Variants in NKTR observed in about 807,000 individuals in gnomAD.
NKTR encodes NK-tumor recognition protein.
Under a neutral mutation model 156.3 loss-of-function variants are expected in NKTR, and 67 were observed. The ratio of observed to expected loss-of-function variants is 0.43; its 90% CI spans 0.35 to 0.53. The LOEUF is 0.53. Among genes scored for constraint, NKTR ranks in the 20% least tolerant of loss-of-function variants. The pLI, the probability that NKTR is intolerant of heterozygous loss-of-function variation, is 0.01. For synonymous variants in NKTR, 640 were observed against 596.6 expected (o/e 1.07, Z -1.06); for missense variants, 1,604 against 1,730.9 (o/e 0.93, Z 1.30).
intron 2 of NKTR, among the ~76,000 whole-genome samples, chr3:42,604,980 A>G (rs1328929333): frequency 6.6e-6 from 1 of 151,944 alleles, no homozygotes; most frequent in Non-Finnish European, 1.5e-5. Flanking sequence ...ATGAGCCATC[A>G]TGCCCGGCCG....
chr3:42,616,308 T>G (rs1175436116), intron 2 of NKTR, among the ~76,000 whole-genome samples: 1 of 152,224 alleles, frequency 6.6e-6, no homozygotes, highest in Non-Finnish European at 1.5e-5. Flanking sequence ...TGAAGAGTAA[T>G]TAATTGCAAA....
In NKTR at chr3:42,637,072, GAGA is replaced by G; in HGVS notation, c.1371_1373del (p.Arg458del). ...GCAGAAGACACAAACAAACAAAGAA[GAGA>G]AGGATTCTTATACCGTCTGACATAG... is the stretch of plus-strand genomic sequence containing the variant. On this transcript the variant is annotated inframe_deletion, in exon 13 of 17. Coordinates refer to ENST00000232978, the MANE Select transcript of NKTR (RefSeq NM_005385.4). The G allele has an allele frequency of 6.2e-7, 1 of 1,605,064 alleles. No individual in the cohort carries two copies. Among genetic ancestry groups the G allele is most frequent in the Non-Finnish European group, 8.5e-7 (1 of 1,177,784 alleles).
chr3:42,600,854 C>T (rs543954907), intron 1 of NKTR, 76 bp downstream of exon 1: 8 of 505,050 alleles, frequency 1.6e-5, no homozygotes, highest in Non-Finnish European at 2.3e-5. Context: ...CTCGTCTTGG[C>T]CTCCTGCGCT....
intron 2 of NKTR, among the ~76,000 whole-genome samples, chr3:42,614,358 A>G (rs1213332780): frequency 4.0e-5 from 6 of 151,798 alleles, no homozygotes; most frequent in African/African-American, 7.3e-5. Context: ...TTTATCTTCA[A>G]TATGTTTTGT....
At chr3:42,627,519 G>C (rs1306990866) in intron 6 of NKTR, 1 of 985,130 alleles carries the variant, frequency 1.0e-6, no homozygotes, top group Non-Finnish European at 1.2e-6. Flanking sequence ...AGTCATTTCT[G>C]TATAAGGGCA....
intron 12 of NKTR, 163 bp downstream of exon 12, chr3:42,635,529 G>A (rs959287721): frequency 4.0e-6 from 2 of 500,094 alleles, no homozygotes; most frequent in Non-Finnish European, 7.0e-6. Context: ...AAGTAGTACT[G>A]TTAACTAGTT....
At chr3:42,606,943 T>G (rs571235975) in intron 2 of NKTR, among the ~76,000 whole-genome samples, 1 of 152,212 alleles carries the variant, frequency 6.6e-6, no homozygotes, top group South Asian at 2.1e-4. Context: ...ATGATCATAG[T>G]GTGGTGTAGC....
chr3:42,617,975 A>G (rs1438131314), intron 3 of NKTR, among the ~76,000 whole-genome samples: 3 of 152,156 alleles, frequency 2.0e-5, no homozygotes, highest in Non-Finnish European at 2.9e-5. Context: ...ACTTTGAAAA[A>G]ATTTAGTATT....
chr3:42,601,224 T>G (rs1334261926), intron 2 of NKTR, 160 bp downstream of exon 2: 13 of 550,752 alleles, frequency 2.4e-5, no homozygotes, highest in African/African-American at 1.8e-4. Context: ...GAGAGGAAGG[T>G]GGCCTGGGCA....
chr3:42,614,761 A>G (rs567558178), intron 2 of NKTR, among the ~76,000 whole-genome samples: 35 of 152,286 alleles, frequency 2.3e-4, no homozygotes, highest in African/African-American at 7.9e-4. Flanking sequence ...TAGCATTTTA[A>G]CTTAAGAAAG....
At chr3:42,617,913 AAAT>A (rs1431927834) in intron 3 of NKTR, among the ~76,000 whole-genome samples, 33 of 152,326 alleles carry the variant, frequency 2.2e-4, no homozygotes, top group African/African-American at 7.9e-4. Context: ...TTAATTTATA[AAAT>A]AATAGCACAC....
intron 10 of NKTR, 59 bp downstream of exon 10, chr3:42,633,794 T>C: frequency 1.3e-6 from 2 of 1,586,512 alleles, no homozygotes; most frequent in Non-Finnish European, 1.7e-6. Context: ...TTCCGTCAGC[T>C]CATTGCATTC....
intron 6 of NKTR, among the ~76,000 whole-genome samples, chr3:42,621,937 G>GT (rs1559564715): frequency 6.6e-6 from 1 of 151,948 alleles, no homozygotes; most frequent in Non-Finnish European, 1.5e-5. Context: ...TTGCATGGTT[G>GT]TTTTTTCCTC....
Position 42,643,874 on chromosome 3 carries a change from T to C in NKTR, c.4200-28T>C, listed in dbSNP as rs115455246. 1,285 of 1,532,802 alleles carry C rather than the reference T, an allele frequency of 8.4e-4. 8 individuals are homozygous for C. In the African/African-American group the frequency reaches 0.016, roughly 19 times the overall value. 95.0% of individuals were successfully genotyped at this position (1,532,802 alleles called of 1,614,324 possible). A position where few individuals can be genotyped will look rare whatever the true frequency, so the allele number is the denominator to read the frequency against. The stretch of plus-strand genomic sequence containing the variant: ...CATATGAGTATCTGAGTGGGAAAAT[T>C]TAGTGTTTGTTGTTGCCGTTAAAGC... On this transcript the variant is annotated intron_variant, in intron 15 of 16. Coordinates refer to ENST00000232978, the MANE Select transcript of NKTR (RefSeq NM_005385.4).
chr3:42,636,418 G>A (rs532932050), intron 12 of NKTR, among the ~76,000 whole-genome samples: 20 of 152,192 alleles, frequency 1.3e-4, no homozygotes, highest in African/African-American at 4.6e-4. Context: ...TGTCTGAGGT[G>A]GAGAAAAAAC....
intron 2 of NKTR, among the ~76,000 whole-genome samples, chr3:42,608,750 A>T (rs759886046): frequency 1.3e-5 from 2 of 152,184 alleles, no homozygotes; most frequent in Non-Finnish European, 2.9e-5. Context: ...TCCTGAAGCT[A>T]TCTGGGGGTC....
intron 16 of NKTR, among the ~76,000 whole-genome samples, chr3:42,645,217 T>C (rs1450382549): frequency 6.6e-6 from 1 of 152,050 alleles, no homozygotes; most frequent in East Asian, 1.9e-4. Context: ...TATTCAAATA[T>C]TGATACTCAT....
intron 11 of NKTR, chr3:42,634,984 CT>C (rs1212334231): frequency 9.0e-6 from 4 of 445,026 alleles, no homozygotes; most frequent in Non-Finnish European, 1.6e-5. Context: ...ACAGGTGAAT[CT>C]CAGCCTTGCC....
chr3:42,617,286 T>C (rs546952739), intron 2 of NKTR, among the ~76,000 whole-genome samples: 9 of 152,304 alleles, frequency 5.9e-5, no homozygotes, highest in Admixed American at 4.6e-4. Context: ...GGAACTATAC[T>C]ACGAGGAATC....
Sources: gnomAD v4.1 joint callset for allele counts (sites outside exome capture counted in the v4.1 genomes callset) on GRCh38, gnomAD v4.1.1 for gene constraint, MANE v1.5 for transcripts, NCBI Gene and HGNC (gene_info 2026-07-23, HGNC 2026-07-21) for gene names.